Variants in DHRS7B observed in about 807,000 individuals in gnomAD.
DHRS7B encodes peroxisomal reductase activating PPAR-gamma.
In DHRS7B, 24 loss-of-function variants were observed where a neutral mutation model predicts 26.4. The observed-to-expected ratio is 0.91, with a 90% CI of 0.66 to 1.28. DHRS7B has a LOEUF of 1.28. Among genes scored for constraint, DHRS7B ranks in the 50% most tolerant of loss-of-function variants. DHRS7B has a pLI of 0.00. For synonymous variants in DHRS7B, 142 were observed against 166.4 expected (o/e 0.85, Z 1.13); for missense variants, 368 against 419.4 (o/e 0.88, Z 1.07).
chr17:21,173,578 T>C (rs2144140727), intron 2 of DHRS7B, among the ~76,000 whole-genome samples: 1 of 152,260 alleles, frequency 6.6e-6, no homozygotes, highest in East Asian at 1.9e-4. Flanking sequence ...GTGGTGGAAG[T>C]GGCTTGCAGT....
Position 21,140,479 on chromosome 17 carries a change from T to TACACACACACACAC in DHRS7B, c.20+13535_20+13548dup, listed in dbSNP as rs4020775. On this transcript the variant is annotated intron_variant, in intron 1 of 6. Transcript: ENST00000395511. ...ATAGAAATTTTAAAGGCCTTTTAAA[T>TACACACACACACAC]ACACACACACACACACACACACACA... 2.4e-3 allele frequency among the ~76,000 whole-genome samples: 201 copies of TACACACACACACAC among 83,678 alleles called. 7 individuals carry two copies. Among genetic ancestry groups the TACACACACACACAC allele is most frequent in the African/African-American group, 3.7e-3 (70 of 19,170 alleles). The allele number at this position is 83,678 out of a possible 152,430, so 54.9% of individuals were successfully genotyped here. A position where few individuals can be genotyped will look rare whatever the true frequency, so the allele number is the denominator to read the frequency against.
chr17:21,135,628 A>T (rs1350302075), intron 1 of DHRS7B, among the ~76,000 whole-genome samples: 1 of 152,202 alleles, frequency 6.6e-6, no homozygotes, highest in Non-Finnish European at 1.5e-5. Flanking sequence ...TTTGTTTTTT[A>T]AAATTTTATA....
At chr17:21,146,954 G>A (rs1973655145) in intron 1 of DHRS7B, among the ~76,000 whole-genome samples, 2 of 152,026 alleles carry the variant, frequency 1.3e-5, no homozygotes, top group African/African-American at 2.4e-5. Flanking sequence ...TATTTAACTT[G>A]GCAAATATAA....
intron 1 of DHRS7B, among the ~76,000 whole-genome samples, chr17:21,133,415 G>GC (rs1973280142): frequency 2.4e-5 from 3 of 126,550 alleles, no homozygotes; most frequent in Non-Finnish European, 5.5e-5. Flanking sequence ...CTCAAAGTGG[G>GC]GCCCCCCTTC....
chr17:21,178,066 C>T (rs1047853792), intron 2 of DHRS7B, among the ~76,000 whole-genome samples, 167 bp from the exon 3 acceptor site: 4 of 152,262 alleles, frequency 2.6e-5, no homozygotes, highest in Non-Finnish European at 5.9e-5. Context: ...TAGCACTGGG[C>T]GTGAGCCCGG....
At position 21,183,924 on chromosome 17, in the gene DHRS7B, G is replaced by A. The variant is rs981532584; in HGVS notation, c.526+114G>A. The A allele has an allele frequency of 6.6e-6, 6 of 903,434 alleles. No homozygotes were observed. In the African/African-American group the frequency reaches 9.8e-5, roughly 15 times the overall value. 56.0% of individuals were successfully genotyped at this position (903,434 alleles called of 1,614,324 possible). A position where few individuals can be genotyped will look rare whatever the true frequency, so the allele number is the denominator to read the frequency against. On this transcript the variant is annotated intron_variant, in intron 4 of 6. Coordinates refer to ENST00000395511, the MANE Select transcript of DHRS7B (RefSeq NM_015510.5). Reference sequence around the variant, plus strand: ...TCTCCATCCTCTCTGTTGCCCTGGAGTGGGTGTTAGGTGTTATTGTTACAG... The same window carrying A: ...TCTCCATCCTCTCTGTTGCCCTGGAATGGGTGTTAGGTGTTATTGTTACAG...
intron 1 of DHRS7B, among the ~76,000 whole-genome samples, chr17:21,143,702 T>A (rs1973578660): frequency 6.6e-6 from 1 of 152,240 alleles, no homozygotes; most frequent in South Asian, 2.1e-4. Context: ...ATAGTGGTTC[T>A]CATATACCTG....
intron 1 of DHRS7B, among the ~76,000 whole-genome samples, chr17:21,143,412 C>A (rs1221283948): frequency 4.6e-5 from 7 of 152,184 alleles, no homozygotes; most frequent in Non-Finnish European, 8.8e-5. Flanking sequence ...AATATTGTTT[C>A]ACTCAAAGCT....
chr17:21,184,556 T>C, intron 5 of DHRS7B, 93 bp downstream of exon 5: 1 of 1,302,026 alleles, frequency 7.7e-7, no homozygotes, highest in Non-Finnish European at 1.1e-6. Context: ...TTAGACATTG[T>C]AGAAATAAAC....
chr17:21,163,024 C>T (rs980341817), intron 1 of DHRS7B, among the ~76,000 whole-genome samples: 1 of 151,888 alleles, frequency 6.6e-6, no homozygotes, highest in African/African-American at 2.4e-5. Flanking sequence ...GGAGAAACCC[C>T]GTCTCTACTA....
At chr17:21,136,894 C>T (rs892715529) in intron 1 of DHRS7B, among the ~76,000 whole-genome samples, 1 of 151,946 alleles carries the variant, frequency 6.6e-6, no homozygotes, top group African/African-American at 2.4e-5. Context: ...TATTTCTAAG[C>T]AAACCAAAAC....
chr17:21,186,201 G>A (rs1320966197), intron 5 of DHRS7B, among the ~76,000 whole-genome samples: 2 of 152,140 alleles, frequency 1.3e-5, no homozygotes, highest in Non-Finnish European at 2.9e-5. Flanking sequence ...TGAGGAGAAC[G>A]GCATTTTCTC....
chr17:21,140,187 C>G (rs1488604484), intron 1 of DHRS7B, among the ~76,000 whole-genome samples: 1 of 151,848 alleles, frequency 6.6e-6, no homozygotes, highest in Admixed American at 6.6e-5. Context: ...CTACACCCAG[C>G]TAATTTTTTG....
At position 21,171,919 on chromosome 17, in the gene DHRS7B, G is replaced by A. The variant is rs1391153073; in HGVS notation, c.21-99G>A. ...AGGGCTTAGAGCTGGAGTCCACAGA[G>A]GGAGATCTGGGATTCATATCAGATG... On this transcript the variant is annotated intron_variant, in intron 1 of 6. Transcript: ENST00000395511. 3 of 1,443,112 alleles carry A rather than the reference G, an allele frequency of 2.1e-6. No individual in the cohort carries two copies. In the African/African-American group the frequency reaches 4.2e-5, roughly 20 times the overall value. The allele number at this position is 1,443,112 out of a possible 1,614,324, so 89.4% of individuals were successfully genotyped here. A position where few individuals can be genotyped will look rare whatever the true frequency, so the allele number is the denominator to read the frequency against.
intron 6 of DHRS7B, 41 bp downstream of exon 6, chr17:21,188,904 G>A (rs1457875724): frequency 6.2e-7 from 1 of 1,611,224 alleles, no homozygotes; most frequent in Non-Finnish European, 8.5e-7. Context: ...AAATCTGTCG[G>A]TCAGCCACAG....
intron 1 of DHRS7B, among the ~76,000 whole-genome samples, chr17:21,130,990 C>G (rs1973218341): frequency 6.6e-6 from 1 of 152,074 alleles, no homozygotes; most frequent in Non-Finnish European, 1.5e-5. Flanking sequence ...CTGAGCTCTC[C>G]CTCCTATCTT....
chr17:21,166,142 T>C (rs943774479), intron 1 of DHRS7B: 1 of 985,296 alleles, frequency 1.0e-6, no homozygotes, highest in African/African-American at 1.7e-5. Flanking sequence ...CCTCACAGGA[T>C]TGCCGGGAAG....
At chr17:21,165,037 A>C (rs972161943) in intron 1 of DHRS7B, among the ~76,000 whole-genome samples, 1 of 152,242 alleles carries the variant, frequency 6.6e-6, no homozygotes. Flanking sequence ...CAGTTGTTCA[A>C]GATTTTCATA....
chr17:21,190,947 G>C lies in DHRS7B; in HGVS notation c.773-1G>C, dbSNP rs754265684. On this transcript the variant is annotated splice_acceptor_variant, in intron 6 of 6. Transcript: ENST00000395511. LOFTEE classifies it high-confidence loss of function. ...TGTTTCTTTTGTTTTATTTATTTTA[G>C]TTATGGACACCACCACAGCCCAGGG... 5.6e-6 allele frequency: 9 copies of C among 1,613,864 alleles called. No individual in the cohort carries two copies. Among genetic ancestry groups the C allele is most frequent in the Non-Finnish European group, 1.7e-6 (2 of 1,180,002 alleles).
Sources: allele counts gnomAD v4.1 joint callset (sites outside exome capture counted in the v4.1 genomes callset), GRCh38; gene constraint gnomAD v4.1.1; transcripts MANE v1.5; gene names NCBI Gene and HGNC (gene_info 2026-07-23, HGNC 2026-07-21).